Variants in FLNB observed in about 807,000 individuals in gnomAD.
FLNB encodes the protein filamin B.
FLNB carries 111 observed loss-of-function variants against 250.6 expected under a neutral mutation model. The ratio of observed to expected loss-of-function variants is 0.44; its 90% CI spans 0.38 to 0.52. FLNB has a LOEUF of 0.52. FLNB is among the 20% of genes least tolerant of loss of function. The probability of loss-of-function intolerance (pLI) is 0.00; values close to 1 mark genes in which losing one functional copy is unlikely to be tolerated. For synonymous variants in FLNB, 1,302 were observed against 1,372.1 expected (o/e 0.95, Z 1.13); for missense variants, 2,869 against 3,447.8 (o/e 0.83, Z 4.20).
Position 58,168,632 on chromosome 3 carries a change from G to A in FLNB, c.7391G>A (p.Gly2464Asp), listed in dbSNP as rs1447798203. 1 of 1,613,892 alleles carries A rather than the reference G, an allele frequency of 6.2e-7. No homozygotes were observed. The highest frequency in any genetic ancestry group is 8.5e-7 in the Non-Finnish European group (1 of 1,179,916). Residue 2464 changes from glycine to aspartate, a missense_variant, in exon 44 of 46, where the codon GGC (glycine) becomes GAC (aspartate). Physicochemically the swap from Gly to Asp is moderately conservative, Grantham distance 94 (BLOSUM62 -1). Around this residue, in one of 5 missense-constraint regions of FLNB, gnomAD observed 1,084 missense variants for 1,315.5 expected, o/e 0.82. Transcript: ENST00000295956. ...TACGGTGGGCCCAACCACATCGTGG[G>A]CAGTCCCTTCAAGGCCAAGGTGACA... ...VKYGGPNHIV[G>D]SPFKAKVTGQ...
intron 1 of FLNB, among the ~76,000 whole-genome samples, chr3:58,032,794 G>A (rs756335110): frequency 2.0e-5 from 3 of 152,192 alleles, no homozygotes; most frequent in Non-Finnish European, 2.9e-5. Flanking sequence ...TTGGCTGGGT[G>A]TGGTAGCTCA....
intron 10 of FLNB, among the ~76,000 whole-genome samples, 162 bp downstream of exon 10, chr3:58,104,247 A>G (rs2097255797): frequency 6.6e-6 from 1 of 151,980 alleles, no homozygotes; most frequent in Non-Finnish European, 1.5e-5. Flanking sequence ...CCTGTTCTCA[A>G]AAGCAGCAGA....
chr3:58,045,108 A>G (rs139842292), intron 1 of FLNB, among the ~76,000 whole-genome samples: 19 of 152,258 alleles, frequency 1.2e-4, no homozygotes, highest in African/African-American at 4.3e-4. Context: ...CCTGACCTCT[A>G]TTAGGTGTAA....
In FLNB at chr3:58,098,119, T is replaced by C. The variant is rs184716460; in HGVS notation, c.1147+142T>C. On this transcript the variant is annotated intron_variant, in intron 7 of 45. Coordinates refer to ENST00000295956, the MANE Select transcript of FLNB (RefSeq NM_001457.4). Reference sequence around the variant, plus strand: ...AAAGACAATTTTTTCAAATGTGTTATATTAGATTTTTCAAAACCAGCTTTT... The same window carrying C: ...AAAGACAATTTTTTCAAATGTGTTACATTAGATTTTTCAAAACCAGCTTTT... 2.0e-4 allele frequency: 184 copies of C among 916,894 alleles called. No individual in the cohort carries two copies. In the African/African-American group the frequency reaches 2.4e-3, roughly 12 times the overall value. The allele number at this position is 916,894 out of a possible 1,614,324, so 56.8% of individuals were successfully genotyped here. A position where few individuals can be genotyped will look rare whatever the true frequency, so the allele number is the denominator to read the frequency against.
chr3:58,079,031 T>G (rs984958925), intron 3 of FLNB, among the ~76,000 whole-genome samples: 1 of 152,192 alleles, frequency 6.6e-6, no homozygotes, highest in African/African-American at 2.4e-5. Flanking sequence ...TTAATGTAGA[T>G]CATCCAGAAA....
At chr3:58,131,140 A>G (rs2097306689) in intron 25 of FLNB, among the ~76,000 whole-genome samples, 1 of 152,142 alleles carries the variant, frequency 6.6e-6, no homozygotes, top group Non-Finnish European at 1.5e-5. Flanking sequence ...TCAATTTCTT[A>G]GAGGAAGCAG....
At chr3:58,110,415 C>T (rs1435607381) in intron 16 of FLNB, among the ~76,000 whole-genome samples, 1 of 151,662 alleles carries the variant, frequency 6.6e-6, no homozygotes, top group Non-Finnish European at 1.5e-5. Context: ...AGGCTCATAC[C>T]ACCACCCAGC....
At chr3:58,082,978 C>T (rs2097211338) in intron 4 of FLNB, among the ~76,000 whole-genome samples, 1 of 152,204 alleles carries the variant, frequency 6.6e-6, no homozygotes, top group Non-Finnish European at 1.5e-5. Flanking sequence ...GGTGACAGTT[C>T]TGTCCTCAGT....
intron 27 of FLNB, among the ~76,000 whole-genome samples, chr3:58,135,765 A>G (rs925939058): frequency 6.6e-6 from 1 of 152,174 alleles, no homozygotes; most frequent in African/African-American, 2.4e-5. Flanking sequence ...CTGACAACAA[A>G]ATTACTAAAA....
At chr3:58,038,619 G>A (rs1431202257) in intron 1 of FLNB, among the ~76,000 whole-genome samples, 2 of 150,000 alleles carry the variant, frequency 1.3e-5, no homozygotes, top group African/African-American at 2.5e-5. Flanking sequence ...TTGAGAGACA[G>A]GGTCTCACTA....
intron 1 of FLNB, among the ~76,000 whole-genome samples, chr3:58,076,370 A>C (rs2097201707): frequency 1.3e-5 from 2 of 152,202 alleles, no homozygotes; most frequent in Non-Finnish European, 2.9e-5. Flanking sequence ...ATACACACAC[A>C]ATCTGGTAGG....
At position 58,105,309 on chromosome 3, in the gene FLNB, C is replaced by A. The variant is rs962961516; in HGVS notation, c.1747+93C>A. 3 of 1,529,458 alleles carry A rather than the reference C, an allele frequency of 2.0e-6. No homozygotes were observed. In the African/African-American group the frequency reaches 4.1e-5, roughly 21 times the overall value. 94.7% of individuals were successfully genotyped at this position (1,529,458 alleles called of 1,614,324 possible). A position where few individuals can be genotyped will look rare whatever the true frequency, so the allele number is the denominator to read the frequency against. On this transcript the variant is annotated intron_variant, in intron 11 of 45. Coordinates refer to ENST00000295956, the MANE Select transcript of FLNB (RefSeq NM_001457.4). ...GGCTGGATGTTGGGGCCTTGCCTAG[C>A]CTCAATACCTTTAGCTTCCTGGCCT...
At chr3:58,145,653 C>A (rs1175955505) in intron 32 of FLNB, among the ~76,000 whole-genome samples, 1 of 152,174 alleles carries the variant, frequency 6.6e-6, no homozygotes, top group Non-Finnish European at 1.5e-5. Context: ...GGGCTGGTAC[C>A]TTACCTTAGC....
intron 23 of FLNB, 110 bp downstream of exon 23, chr3:58,125,853 A>G: frequency 9.3e-7 from 1 of 1,075,960 alleles, no homozygotes; most frequent in South Asian, 1.3e-5. Flanking sequence ...TTTTTATAAC[A>G]TGTATTTCCT....
chr3:58,015,786 C>G (rs528979678), intron 1 of FLNB, among the ~76,000 whole-genome samples: 2 of 152,190 alleles, frequency 1.3e-5, no homozygotes, highest in African/African-American at 4.8e-5. Context: ...ATCTAGGTGC[C>G]AAGCCCTCTG....
chr3:58,089,196 T>C (rs185602140), intron 4 of FLNB, among the ~76,000 whole-genome samples: 2 of 152,014 alleles, frequency 1.3e-5, no homozygotes, highest in African/African-American at 4.8e-5. Context: ...ACTGAGGTGA[T>C]AGAGATGTTA....
chr3:58,016,643 G>A (rs1308804552), intron 1 of FLNB, among the ~76,000 whole-genome samples: 1 of 151,914 alleles, frequency 6.6e-6, no homozygotes, highest in Non-Finnish European at 1.5e-5. Context: ...CCCTTGGGGT[G>A]GACATACCTC....
intron 1 of FLNB, among the ~76,000 whole-genome samples, chr3:58,014,790 G>A (rs766659795): frequency 1.6e-4 from 25 of 152,104 alleles, no homozygotes; most frequent in Non-Finnish European, 3.7e-4. Context: ...GTGCAGTGGC[G>A]TGATCTCGGC....
At chr3:58,052,615 C>T (rs13321292) in intron 1 of FLNB, among the ~76,000 whole-genome samples, 8,704 of 152,214 alleles carry the variant, frequency 0.057, 793 homozygotes, top group African/African-American at 0.2. Context: ...TTTAGTGTGC[C>T]GTGGTCATGA....
Sources: gnomAD v4.1 joint callset for allele counts (sites outside exome capture counted in the v4.1 genomes callset) on GRCh38, gnomAD v4.1.1 for gene constraint, gnomAD v4.1.1 regional missense constraint, MANE v1.5 for transcripts, NCBI Gene and HGNC (gene_info 2026-07-23, HGNC 2026-07-21) for gene names.